CHLSN: variants seen among roughly 807,000 people sequenced by gnomAD.
CHLSN encodes cholesin.
chr7:985,302 C>T, the CHLSN span: 1 of 1,551,290 alleles, frequency 6.4e-7, no homozygotes, highest in Non-Finnish European at 8.7e-7. Context: ...TCATGGTCCT[C>T]TTGGGGTCCC....
chr7:1,015,871 C>T, the CHLSN span, among the ~76,000 whole-genome samples: 1 of 152,214 alleles, frequency 6.6e-6, no homozygotes, highest in Admixed American at 6.5e-5. Context: ...TCTCCTTCCT[C>T]CAGGGGCCCC....
At chr7:1,085,477 G>A in the CHLSN span, among the ~76,000 whole-genome samples, 2 of 152,098 alleles carry the variant, frequency 1.3e-5, no homozygotes, top group African/African-American at 2.4e-5. Flanking sequence ...CCATGAGACG[G>A]GGAGAAGGAC....
chr7:1,027,408 A>G, the CHLSN span, among the ~76,000 whole-genome samples: 1 of 152,372 alleles, frequency 6.6e-6, no homozygotes, highest in African/African-American at 2.4e-5. Context: ...TGCGCGCAGC[A>G]GCTGAGGACG....
chr7:1,029,044 CT>C, the CHLSN span: 1 of 152,608 alleles, frequency 6.6e-6, no homozygotes, highest in Middle Eastern at 3.4e-3. Context: ...GTCACGCAGC[CT>C]TTTCCTCACC....
chr7:1,135,858 TATAA>T, the CHLSN span, among the ~76,000 whole-genome samples: 1 of 132,016 alleles, frequency 7.6e-6, no homozygotes, highest in Non-Finnish European at 1.5e-5. Flanking sequence ...TATGTATTTA[TATAA>T]ATATATAAAA....
chr7:1,037,477 C>T, the CHLSN span, among the ~76,000 whole-genome samples: 8 of 134,436 alleles, frequency 6.0e-5, no homozygotes, highest in South Asian at 2.5e-4. Context: ...AGCCCCTAAC[C>T]GCGAGTGATC....
the CHLSN span, chr7:986,647 C>T: frequency 7.9e-5 from 128 of 1,612,724 alleles, no homozygotes; most frequent in East Asian, 1.3e-4. Context: ...ACCCATGGCT[C>T]GGGGCCCTGC....
the CHLSN span, chr7:984,464 C>T: frequency 5.8e-6 from 9 of 1,550,918 alleles, no homozygotes; most frequent in South Asian, 2.4e-5. Flanking sequence ...CGCCAGAAGA[C>T]GGTGGTGCTG....
At chr7:1,018,297 T>G in the CHLSN span, among the ~76,000 whole-genome samples, 3 of 152,008 alleles carry the variant, frequency 2.0e-5, no homozygotes, top group Non-Finnish European at 2.9e-5. Flanking sequence ...AAAAAGTGAC[T>G]AACGAAAGCA....
At chr7:1,012,456 C>T in the CHLSN span, among the ~76,000 whole-genome samples, 1 of 152,362 alleles carries the variant, frequency 6.6e-6, no homozygotes, top group South Asian at 2.1e-4. Context: ...GCTTCCTGAG[C>T]GCCCGGTGCA....
the CHLSN span, chr7:987,215 C>A: frequency 6.5e-7 from 1 of 1,543,144 alleles, no homozygotes; most frequent in Non-Finnish European, 8.7e-7. Context: ...GTGGGCCGCA[C>A]TTCTGATGGG....
the CHLSN span, among the ~76,000 whole-genome samples, chr7:986,177 C>T: frequency 2.0e-5 from 3 of 152,160 alleles, no homozygotes; most frequent in African/African-American, 7.2e-5. Context: ...AGGCGAGTGG[C>T]ACGAGGTGTG....
the CHLSN span, among the ~76,000 whole-genome samples, chr7:1,126,007 G>GT: frequency 6.6e-6 from 1 of 152,096 alleles, no homozygotes; most frequent in South Asian, 2.1e-4. Flanking sequence ...AAATTTAAAT[G>GT]TATATGCATC....
At chr7:1,055,041 C>T in the CHLSN span, among the ~76,000 whole-genome samples, 1 of 152,220 alleles carries the variant, frequency 6.6e-6, no homozygotes, top group Non-Finnish European at 1.5e-5. Flanking sequence ...CTGACCTGCC[C>T]CCAGGCTCTC....
the CHLSN span, chr7:988,892 T>G: frequency 1.1e-6 from 1 of 918,974 alleles, no homozygotes; most frequent in Non-Finnish European, 1.5e-6. Context: ...CCCTCTCTCC[T>G]CCCACCCCAC....
At chr7:1,022,942 C>T in the CHLSN span, 1 of 465,282 alleles carries the variant, frequency 2.1e-6, no homozygotes, top group Non-Finnish European at 4.4e-6. Flanking sequence ...GGCGCAGACA[C>T]TGGGGCAGGC....
chr7:1,030,463 G>A, the CHLSN span, among the ~76,000 whole-genome samples: 260 of 152,296 alleles, frequency 1.7e-3, 2 homozygotes, highest in African/African-American at 6.0e-3. Flanking sequence ...CACAGGGATG[G>A]GGACGTGGTG....
the CHLSN span, among the ~76,000 whole-genome samples, chr7:1,008,270 C>T: frequency 2.0e-5 from 3 of 152,206 alleles, no homozygotes; most frequent in Non-Finnish European, 4.4e-5. Context: ...GGGCTCGAGA[C>T]GCTGCACTAA....
At chr7:1,135,176 C>A in the CHLSN span, among the ~76,000 whole-genome samples, 1 of 152,132 alleles carries the variant, frequency 6.6e-6, no homozygotes. Flanking sequence ...AGGACCCAGG[C>A]TTAGTGCTCA....
Sources: gnomAD v4.1 joint callset for allele counts (sites outside exome capture counted in the v4.1 genomes callset) on GRCh38, gnomAD v4.1.1 for gene constraint, MANE v1.5 for transcripts, NCBI Gene and HGNC (gene_info 2026-07-23, HGNC 2026-07-21) for gene names.